Variants in TMEM132D observed in about 807,000 individuals in gnomAD.
The protein encoded by TMEM132D is transmembrane protein 132D.
In TMEM132D, 21 loss-of-function variants were observed where a neutral mutation model predicts 62.3. The ratio of observed to expected loss-of-function variants is 0.34; its 90% CI spans 0.24 to 0.49. The LOEUF (loss-of-function observed/expected upper bound fraction) is 0.49. TMEM132D is among the 20% of genes least tolerant of loss of function. The pLI, the probability that TMEM132D is intolerant of heterozygous loss-of-function variation, is 0.99. For missense variants in TMEM132D, 1,346 were observed against 1,402.8 expected, an observed-to-expected ratio of 0.96 and a Z score of 0.65; for synonymous variants, 621 against 575.6, an observed-to-expected ratio of 1.08 and a Z score of -1.13.
chr12:129,518,956 T>C (rs1445232866), intron 3 of TMEM132D, among the ~76,000 whole-genome samples: 1 of 152,202 alleles, frequency 6.6e-6, no homozygotes, highest in Non-Finnish European at 1.5e-5. Flanking sequence ...CTTTTCTACA[T>C]AGGAAGTTCT....
chr12:129,724,530 TTTTTG>T, intron 1 of TMEM132D, among the ~76,000 whole-genome samples: 1 of 152,290 alleles, frequency 6.6e-6, no homozygotes, highest in East Asian at 1.9e-4. Flanking sequence ...TCTGTTTTTG[TTTTTG>T]TTTTGAGATG....
At position 129,488,676 on chromosome 12, in the gene TMEM132D, GAAAACA is replaced by G. The variant is rs1233537868; in HGVS notation, c.1115+42377_1115+42382del. ...TGACACAGCAAGACTCTGTCTGGAG[GAAAACA>G]AAAACAAAAACAAAAACCAGGTATG... On this transcript the variant is annotated intron_variant, in intron 3 of 8. Coordinates refer to ENST00000422113, the MANE Select transcript of TMEM132D (RefSeq NM_133448.3). Among the ~76,000 whole-genome samples the G allele has an allele frequency of 4.6e-5, 7 of 152,020 alleles. No homozygotes were observed. In the East Asian group the frequency reaches 1.4e-3, roughly 29 times the overall value.
chr12:129,314,556 T>C (rs1868419833), intron 4 of TMEM132D, among the ~76,000 whole-genome samples: 1 of 152,238 alleles, frequency 6.6e-6, no homozygotes, highest in Non-Finnish European at 1.5e-5. Flanking sequence ...GGTAGTGTGA[T>C]GCCTCCAGAT....
intron 3 of TMEM132D, among the ~76,000 whole-genome samples, chr12:129,481,000 C>T (rs1403276779): frequency 6.6e-6 from 1 of 152,040 alleles, no homozygotes; most frequent in Non-Finnish European, 1.5e-5. Context: ...GGATACTACG[C>T]AGCAGCTAGA....
In TMEM132D at chr12:129,151,093, T is replaced by G. The variant is rs545952036; in HGVS notation, c.1443+58427A>C. 1.1e-4 allele frequency among the ~76,000 whole-genome samples: 17 copies of G among 152,298 alleles called. No individual in the cohort carries two copies. In the South Asian group the frequency reaches 3.5e-3, roughly 32 times the overall value. ...CAGAGCACGCATCTAATTTTCCGAC[T>G]TCACGAGGCACATCCACCAAGAAGC... On this transcript the variant is annotated intron_variant, in intron 5 of 8. Coordinates refer to ENST00000422113, the MANE Select transcript of TMEM132D (RefSeq NM_133448.3).
intron 3 of TMEM132D, among the ~76,000 whole-genome samples, chr12:129,478,008 C>T (rs565363842): frequency 6.6e-6 from 1 of 152,266 alleles, no homozygotes; most frequent in South Asian, 2.1e-4. Flanking sequence ...GTCTACCACA[C>T]ACCTAGCCTA....
chr12:129,122,460 C>A (rs1251669805), intron 5 of TMEM132D, among the ~76,000 whole-genome samples: 1 of 152,190 alleles, frequency 6.6e-6, no homozygotes, highest in Admixed American at 6.5e-5. Context: ...TGCTAGACAC[C>A]ATGAGCTCCT....
chr12:129,103,251 C>A (rs899245303), intron 5 of TMEM132D, among the ~76,000 whole-genome samples: 6 of 152,170 alleles, frequency 3.9e-5, no homozygotes, highest in African/African-American at 1.4e-4. Context: ...TTCCCATGAG[C>A]ATTAGGACAG....
chr12:129,579,806 A>G (rs1565910743), intron 2 of TMEM132D, among the ~76,000 whole-genome samples: 1 of 152,210 alleles, frequency 6.6e-6, no homozygotes, highest in Non-Finnish European at 1.5e-5. Flanking sequence ...AAACACCCAG[A>G]AGCAATACTT....
At chr12:129,389,557 A>T (rs1405504925) in intron 3 of TMEM132D, among the ~76,000 whole-genome samples, 1 of 152,156 alleles carries the variant, frequency 6.6e-6, no homozygotes, top group Non-Finnish European at 1.5e-5. Context: ...ACTAACACCA[A>T]CACTAATACA....
chr12:129,594,585 A>G (rs1368993544), intron 2 of TMEM132D, among the ~76,000 whole-genome samples: 1 of 152,214 alleles, frequency 6.6e-6, no homozygotes, highest in Non-Finnish European at 1.5e-5. Flanking sequence ...AGATTAGAGA[A>G]CACATGCATA....
At chr12:129,311,008 C>T (rs1334926580) in intron 4 of TMEM132D, among the ~76,000 whole-genome samples, 1 of 96,068 alleles carries the variant, frequency 1.0e-5, no homozygotes, top group East Asian at 5.1e-4. Context: ...ACCATCCTGG[C>T]TAACACGGTG....
At chr12:129,271,504 T>G (rs1352308233) in intron 4 of TMEM132D, among the ~76,000 whole-genome samples, 1 of 151,648 alleles carries the variant, frequency 6.6e-6, no homozygotes, top group Non-Finnish European at 1.5e-5. Context: ...CAACCCATCA[T>G]CTAGGTTTTA....
intron 5 of TMEM132D, among the ~76,000 whole-genome samples, chr12:129,114,988 T>G (rs552682399): frequency 1.1e-4 from 16 of 152,332 alleles, no homozygotes; most frequent in South Asian, 4.1e-4. Flanking sequence ...TGAACCATCC[T>G]GTACGTATTT....
intron 4 of TMEM132D, among the ~76,000 whole-genome samples, chr12:129,236,012 T>C (rs1278179758): frequency 6.6e-6 from 1 of 152,110 alleles, no homozygotes; most frequent in African/African-American, 2.4e-5. Context: ...TTGCAGCATC[T>C]TCAATTTCTC....
intron 2 of TMEM132D, among the ~76,000 whole-genome samples, chr12:129,612,835 C>T (rs980289547): frequency 1.3e-5 from 2 of 152,270 alleles, no homozygotes; most frequent in African/African-American, 2.4e-5. Flanking sequence ...CCACTGTACT[C>T]CAGCCTGGCG....
chr12:129,368,808 G>A (rs1870506290), intron 3 of TMEM132D, among the ~76,000 whole-genome samples: 1 of 151,548 alleles, frequency 6.6e-6, no homozygotes, highest in South Asian at 2.1e-4. Flanking sequence ...GAGGTCATGT[G>A]TATATTTCTG....
At chr12:129,348,100 G>A (rs1869742932) in intron 3 of TMEM132D, among the ~76,000 whole-genome samples, 1 of 152,228 alleles carries the variant, frequency 6.6e-6, no homozygotes, top group Non-Finnish European at 1.5e-5. Context: ...CTTTTACACT[G>A]TTGGTGGGAG....
intron 1 of TMEM132D, among the ~76,000 whole-genome samples, chr12:129,731,642 G>A (rs1869241423): frequency 6.6e-6 from 1 of 150,740 alleles, no homozygotes; most frequent in East Asian, 2.0e-4. Context: ...GAAATTGAAT[G>A]TTTTCAGACT....
Sources: allele counts gnomAD v4.1 joint callset (sites outside exome capture counted in the v4.1 genomes callset), GRCh38; gene constraint gnomAD v4.1.1; transcripts MANE v1.5; gene names NCBI Gene and HGNC (gene_info 2026-07-23, HGNC 2026-07-21).